PDE8A: variants seen among roughly 807,000 people sequenced by gnomAD.
PDE8A encodes the protein high affinity cAMP-specific and IBMX-insensitive 3',5'-cyclic phosphodiesterase 8A.
PDE8A carries 59 observed loss-of-function variants against 105.0 expected under a neutral mutation model. That is an observed-to-expected ratio of 0.56 (90% CI 0.46 to 0.70). The LOEUF (loss-of-function observed/expected upper bound fraction) is 0.70, where lower values mean the gene tolerates loss of function less well. Ranked by LOEUF, PDE8A falls within the 30% of genes least tolerant of loss-of-function variation. PDE8A has a pLI of 0.00. For synonymous variants in PDE8A, 355 were observed against 371.9 expected (o/e 0.95, Z 0.52); for missense variants, 1,014 against 1,045.9 (o/e 0.97, Z 0.42).
At chr15:85,124,020 T>C (rs1296482412) in intron 19 of PDE8A, among the ~76,000 whole-genome samples, 1 of 152,208 alleles carries the variant, frequency 6.6e-6, no homozygotes, top group African/African-American at 2.4e-5. Context: ...CATATCATGG[T>C]AGCAGCAGCT....
intron 1 of PDE8A, among the ~76,000 whole-genome samples, chr15:85,051,430 T>C (rs909449107): frequency 1.4e-4 from 22 of 152,196 alleles, no homozygotes; most frequent in African/African-American, 5.3e-4. Flanking sequence ...GTGGGTTTTG[T>C]TCATACATGG....
rs117245630 is a variant in PDE8A, at chr15:85,047,509, A to G, written c.187-16861A>G. ...ATGTAAGGTTAAATGCAATCTAGTT[A>G]AGTAAATAAAGTAAGCGTTCAGTGG... On this transcript the variant is annotated intron_variant, in intron 1 of 21. Coordinates refer to ENST00000394553, the MANE Select transcript of PDE8A (RefSeq NM_002605.3). 1.4e-3 allele frequency among the ~76,000 whole-genome samples: 219 copies of G among 152,356 alleles called. 5 individuals carry two copies. In the East Asian group the frequency reaches 0.034, roughly 23 times the overall value.
Position 84,982,107 on chromosome 15 carries a change from C to G in PDE8A, c.-56C>G, listed in dbSNP as rs2079720502. 2.6e-6 allele frequency: 3 copies of G among 1,148,230 alleles called. No individual in the cohort carries two copies. The highest frequency in any genetic ancestry group is 1.6e-5 in the African/African-American group (1 of 61,938). 71.1% of individuals were successfully genotyped at this position (1,148,230 alleles called of 1,614,324 possible). On this transcript the variant is annotated 5_prime_UTR_variant, in exon 1 of 22. Coordinates refer to ENST00000394553, the MANE Select transcript of PDE8A (RefSeq NM_002605.3). The stretch of plus-strand genomic sequence containing the variant: ...GGCGGCCCGGAGGCGCCGGGTGGGC[C>G]GTTTGCTGACCGGATCGCGGCTACC...
chr15:85,086,184 A>G (rs1000193545), intron 6 of PDE8A, among the ~76,000 whole-genome samples: 6 of 152,228 alleles, frequency 3.9e-5, no homozygotes, highest in Non-Finnish European at 2.9e-5. Flanking sequence ...ATGAACTCCA[A>G]TGAATTAAAG....
intron 14 of PDE8A, chr15:85,115,137 G>T: frequency 2.7e-6 from 1 of 368,398 alleles, no homozygotes; most frequent in Non-Finnish European, 4.9e-6. Flanking sequence ...AGAATGCTGG[G>T]CTTAAAGACC....
intron 20 of PDE8A, among the ~76,000 whole-genome samples, chr15:85,129,650 T>C (rs1218765150): frequency 8.2e-6 from 1 of 121,662 alleles, no homozygotes; most frequent in African/African-American, 3.6e-5. Context: ...TGTTGATCTT[T>C]TCAAAAAATT....
intron 11 of PDE8A, among the ~76,000 whole-genome samples, chr15:85,105,384 T>A (rs1462184009): frequency 6.6e-6 from 1 of 152,044 alleles, no homozygotes; most frequent in African/African-American, 2.4e-5. Flanking sequence ...CCTGAGGAGA[T>A]GTTCCGACAG....
intron 1 of PDE8A, among the ~76,000 whole-genome samples, chr15:84,985,256 A>G (rs1257651653): frequency 1.3e-5 from 2 of 152,208 alleles, no homozygotes; most frequent in African/African-American, 2.4e-5. Context: ...ATGATTCCAA[A>G]GGTACTTTAG....
intron 2 of PDE8A, among the ~76,000 whole-genome samples, chr15:85,066,641 C>CACAG (rs1567261662): frequency 7.6e-6 from 1 of 132,152 alleles, no homozygotes; most frequent in African/African-American, 2.9e-5. Context: ...CACACACACA[C>CACAG]AGAAATGACG....
chr15:85,051,107 T>C (rs1277634412), intron 1 of PDE8A, among the ~76,000 whole-genome samples: 1 of 152,224 alleles, frequency 6.6e-6, no homozygotes, highest in Non-Finnish European at 1.5e-5. Context: ...CCTTTTCAGA[T>C]TGGTCATTGT....
chr15:85,080,015 A>G (rs914299890), intron 5 of PDE8A, among the ~76,000 whole-genome samples: 8 of 152,220 alleles, frequency 5.3e-5, no homozygotes, highest in Non-Finnish European at 1.2e-4. Flanking sequence ...CAATTCTATA[A>G]CAGTTACAAG....
chr15:85,002,508 G>C (rs1051330585), intron 1 of PDE8A, among the ~76,000 whole-genome samples: 9 of 152,192 alleles, frequency 5.9e-5, no homozygotes, highest in Non-Finnish European at 7.3e-5. Context: ...GATGGTCCCT[G>C]AACACATCTT....
chr15:84,987,120 C>G (rs989844774), intron 1 of PDE8A, among the ~76,000 whole-genome samples: 20 of 152,214 alleles, frequency 1.3e-4, no homozygotes, highest in African/African-American at 3.6e-4. Flanking sequence ...CTCTAGAGCT[C>G]AGGGGTTGTG....
chr15:85,026,843 C>T (rs1183957675), intron 1 of PDE8A, among the ~76,000 whole-genome samples: 1 of 152,100 alleles, frequency 6.6e-6, no homozygotes, highest in Non-Finnish European at 1.5e-5. Flanking sequence ...CAGAGTGCCT[C>T]ATGTAGTCAA....
At chr15:85,045,753 A>T (rs2080877123) in intron 1 of PDE8A, among the ~76,000 whole-genome samples, 1 of 152,268 alleles carries the variant, frequency 6.6e-6, no homozygotes, top group Non-Finnish European at 1.5e-5. Flanking sequence ...AGACTCTTCC[A>T]CACCTAAGAA....
intron 11 of PDE8A, among the ~76,000 whole-genome samples, chr15:85,101,892 G>C (rs749278075): frequency 6.6e-6 from 1 of 152,198 alleles, no homozygotes; most frequent in Non-Finnish European, 1.5e-5. Flanking sequence ...TACCTGTGAG[G>C]TCCTGGTGGG....
At chr15:85,003,412 C>G (rs532590385) in intron 1 of PDE8A, among the ~76,000 whole-genome samples, 9 of 152,182 alleles carry the variant, frequency 5.9e-5, no homozygotes, top group Non-Finnish European at 1.3e-4. Flanking sequence ...TTGGAAACAC[C>G]TGCCCACCCC....
intron 1 of PDE8A, among the ~76,000 whole-genome samples, chr15:85,051,322 C>T (rs1418077938): frequency 6.6e-5 from 10 of 152,068 alleles, no homozygotes; most frequent in African/African-American, 1.7e-4. Flanking sequence ...CTAATTGCTC[C>T]GGCTAGGACT....
intron 1 of PDE8A, chr15:85,062,510 A>C (rs557891105): frequency 1.3e-5 from 2 of 152,260 alleles, no homozygotes; most frequent in Admixed American, 1.3e-4. Context: ...AGTCTCTTCA[A>C]CTGGAGGGGG....
Sources: gnomAD v4.1 joint callset for allele counts (sites outside exome capture counted in the v4.1 genomes callset) on GRCh38, gnomAD v4.1.1 for gene constraint, MANE v1.5 for transcripts, NCBI Gene and HGNC (gene_info 2026-07-23, HGNC 2026-07-21) for gene names.